Variants in ZFYVE9 observed in about 807,000 individuals in gnomAD.
ZFYVE9 encodes the protein zinc finger FYVE-type containing 9.
ZFYVE9 carries 43 observed loss-of-function variants against 126.7 expected under a neutral mutation model. That is an observed-to-expected ratio of 0.34 (90% CI 0.27 to 0.44). ZFYVE9 has a LOEUF of 0.44. Ranked by LOEUF, ZFYVE9 falls within the 20% of genes least tolerant of loss-of-function variation. The pLI is 1.00. For synonymous variants in ZFYVE9, 521 were observed against 597.4 expected, an observed-to-expected ratio of 0.87 and a Z score of 1.87; for missense variants, 1,476 against 1,697.0, an observed-to-expected ratio of 0.87 and a Z score of 2.29.
intron 16 of ZFYVE9, among the ~76,000 whole-genome samples, chr1:52,338,796 G>A (rs573231635): frequency 6.6e-6 from 1 of 152,194 alleles, no homozygotes; most frequent in Non-Finnish European, 1.5e-5. Flanking sequence ...TGGATCGCCT[G>A]AGGTTGGGAG....
intron 9 of ZFYVE9, among the ~76,000 whole-genome samples, chr1:52,280,018 A>T (rs912518758): frequency 6.6e-6 from 1 of 152,102 alleles, no homozygotes; most frequent in Non-Finnish European, 1.5e-5. Context: ...CTAGGATCAG[A>T]TTTAAAATGA....
intron 1 of ZFYVE9, among the ~76,000 whole-genome samples, chr1:52,157,558 C>T (rs1469795715): frequency 3.3e-5 from 5 of 151,612 alleles, no homozygotes; most frequent in African/African-American, 1.2e-4. Flanking sequence ...CCCACCACCA[C>T]ACCTGGCTAA....
intron 1 of ZFYVE9, among the ~76,000 whole-genome samples, chr1:52,201,172 GT>G (rs1644919431): frequency 6.6e-6 from 1 of 151,966 alleles, no homozygotes; most frequent in African/African-American, 2.4e-5. Flanking sequence ...GAGTTCTGTT[GT>G]TTTTTCATAT....
chr1:52,280,396 T>G (rs80080806), intron 9 of ZFYVE9, among the ~76,000 whole-genome samples: 2 of 151,170 alleles, frequency 1.3e-5, no homozygotes, highest in African/African-American at 4.9e-5. Flanking sequence ...AAAAAAAAAT[T>G]AGCTAACCTA....
At chr1:52,219,090 C>T (rs1201667135) in intron 2 of ZFYVE9, among the ~76,000 whole-genome samples, 3 of 151,934 alleles carry the variant, frequency 2.0e-5, no homozygotes, top group Non-Finnish European at 4.4e-5. Flanking sequence ...ATCTCCCCAA[C>T]TATAACATAA....
At chr1:52,255,927 T>TCTTTTCTTTC (rs1645505815) in intron 4 of ZFYVE9, among the ~76,000 whole-genome samples, 2 of 118,402 alleles carry the variant, frequency 1.7e-5, no homozygotes, top group Non-Finnish European at 3.3e-5. Flanking sequence ...TCTTTTCTTT[T>TCTTTTCTTTC]CTTTTCTTTT....
chr1:52,217,529 G>A (rs1645083594), intron 2 of ZFYVE9, among the ~76,000 whole-genome samples: 1 of 152,056 alleles, frequency 6.6e-6, no homozygotes, highest in Non-Finnish European at 1.5e-5. Flanking sequence ...GAGGGGGAGA[G>A]GTTGGGGAGG....
intron 13 of ZFYVE9, among the ~76,000 whole-genome samples, chr1:52,323,732 G>A (rs934027002): frequency 1.3e-5 from 2 of 152,056 alleles, no homozygotes; most frequent in Non-Finnish European, 2.9e-5. Flanking sequence ...TGGCTATCAT[G>A]GTGAAACCCA....
chr1:52,157,647 A>G (rs1480319642), intron 1 of ZFYVE9, among the ~76,000 whole-genome samples: 1 of 151,230 alleles, frequency 6.6e-6, no homozygotes, highest in East Asian at 1.9e-4. Context: ...TAAGTGATCC[A>G]CCCACCTCAG....
intron 15 of ZFYVE9, 138 bp downstream of exon 15, chr1:52,334,906 G>A: frequency 1.3e-6 from 1 of 761,188 alleles, no homozygotes; most frequent in Admixed American, 2.6e-5. Flanking sequence ...AAACTGCCAT[G>A]AGAGTGCTTA....
intron 1 of ZFYVE9, among the ~76,000 whole-genome samples, chr1:52,157,495 G>A (rs1013705041): frequency 4.1e-5 from 5 of 122,878 alleles, no homozygotes; most frequent in East Asian, 2.8e-4. Flanking sequence ...CCACCTCCCC[G>A]TGTTCAAGTG....
chr1:52,305,005 A>G (rs937311025), intron 13 of ZFYVE9, among the ~76,000 whole-genome samples: 4 of 152,204 alleles, frequency 2.6e-5, no homozygotes, highest in African/African-American at 9.7e-5. Context: ...CAGTAATGCA[A>G]TCTTTCATGG....
At chr1:52,183,578 C>T (rs2124544900) in intron 1 of ZFYVE9, among the ~76,000 whole-genome samples, 1 of 151,776 alleles carries the variant, frequency 6.6e-6, no homozygotes, top group Middle Eastern at 3.5e-3. Context: ...TCTCAGCTCA[C>T]TGCAACCTCT....
chr1:52,293,736 C>CA, intron 11 of ZFYVE9, 59 bp downstream of exon 11: 1 of 1,467,486 alleles, frequency 6.8e-7, no homozygotes, highest in Non-Finnish European at 9.4e-7. Flanking sequence ...CTGAAATATT[C>CA]AGAGCCCTCT....
At chr1:52,223,966 C>T (rs1357551955) in intron 2 of ZFYVE9, among the ~76,000 whole-genome samples, 1 of 152,170 alleles carries the variant, frequency 6.6e-6, no homozygotes, top group Non-Finnish European at 1.5e-5. Context: ...GTTGTGGCTC[C>T]AGAGACTGTC....
intron 1 of ZFYVE9, among the ~76,000 whole-genome samples, chr1:52,182,081 G>C (rs1480512900): frequency 6.6e-6 from 1 of 151,210 alleles, no homozygotes; most frequent in African/African-American, 2.4e-5. Flanking sequence ...CAGCTGCCCC[G>C]TCCGGAGGGA....
At chr1:52,256,207 A>G (rs1645517614) in intron 4 of ZFYVE9, among the ~76,000 whole-genome samples, 1 of 151,726 alleles carries the variant, frequency 6.6e-6, no homozygotes, top group African/African-American at 2.4e-5. Flanking sequence ...CTGAGATAAC[A>G]GGCGTGTGCC....
intron 1 of ZFYVE9, among the ~76,000 whole-genome samples, chr1:52,185,633 G>C (rs1475732562): frequency 6.6e-6 from 1 of 151,998 alleles, no homozygotes; most frequent in Non-Finnish European, 1.5e-5. Flanking sequence ...TGCAGAAAAG[G>C]CTCTTGATGG....
At chr1:52,200,146 A>T (rs1393849255) in intron 1 of ZFYVE9, among the ~76,000 whole-genome samples, 1 of 151,160 alleles carries the variant, frequency 6.6e-6, no homozygotes, top group African/African-American at 2.4e-5. Flanking sequence ...TCATCCTCTT[A>T]ACAGTGTCAT....
Sources: gnomAD v4.1 joint callset for allele counts (sites outside exome capture counted in the v4.1 genomes callset) on GRCh38, gnomAD v4.1.1 for gene constraint, MANE v1.5 for transcripts, NCBI Gene and HGNC (gene_info 2026-07-23, HGNC 2026-07-21) for gene names.